MYRIP: variants seen among roughly 807,000 people sequenced by gnomAD.
MYRIP encodes myosin VIIA and Rab interacting protein.
Under a neutral mutation model 98.0 loss-of-function variants are expected in MYRIP, and 49 were observed. The ratio of observed to expected loss-of-function variants is 0.50; its 90% CI spans 0.40 to 0.63. The LOEUF (loss-of-function observed/expected upper bound fraction) is 0.63. MYRIP is among the 30% of genes least tolerant of loss of function. The pLI, the probability that MYRIP is intolerant of heterozygous loss-of-function variation, is 0.00. For missense variants in MYRIP, 1,004 were observed against 1,058.2 expected (o/e 0.95, Z 0.71); for synonymous variants, 404 against 409.5 (o/e 0.99, Z 0.16).
chr3:39,994,882 A>G (rs1031144908), intron 2 of MYRIP, among the ~76,000 whole-genome samples: 19 of 152,180 alleles, frequency 1.2e-4, no homozygotes, highest in Non-Finnish European at 2.9e-5. Flanking sequence ...CTGTTCACCA[A>G]TATCTGCTGT....
intron 11 of MYRIP, among the ~76,000 whole-genome samples, chr3:40,214,628 A>G (rs1472046509): frequency 6.6e-6 from 1 of 152,164 alleles, no homozygotes; most frequent in Non-Finnish European, 1.5e-5. Flanking sequence ...AACTTCTTGG[A>G]AACTGGATTC....
intron 2 of MYRIP, among the ~76,000 whole-genome samples, chr3:40,020,021 A>G (rs1284809719): frequency 6.6e-6 from 1 of 152,224 alleles, no homozygotes; most frequent in Non-Finnish European, 1.5e-5. Context: ...TTCATGGGAT[A>G]CAAGCACTGG....
chr3:39,982,375 G>A (rs1335094435), intron 2 of MYRIP, among the ~76,000 whole-genome samples: 3 of 152,104 alleles, frequency 2.0e-5, no homozygotes, highest in Non-Finnish European at 4.4e-5. Flanking sequence ...CTATTTATAG[G>A]TTTGATCTTC....
At chr3:39,876,736 T>G (rs539921283) in intron 1 of MYRIP, among the ~76,000 whole-genome samples, 1 of 152,202 alleles carries the variant, frequency 6.6e-6, no homozygotes, top group African/African-American at 2.4e-5. Context: ...GGTTTCCCTT[T>G]GAGGGTAACC....
intron 2 of MYRIP, among the ~76,000 whole-genome samples, chr3:39,953,207 A>G (rs1417181673): frequency 6.6e-6 from 1 of 152,174 alleles, no homozygotes; most frequent in African/African-American, 2.4e-5. Context: ...GTTGGAGATA[A>G]TAAGGTAATG....
intron 2 of MYRIP, among the ~76,000 whole-genome samples, chr3:39,963,841 T>G (rs540555973): frequency 1.3e-5 from 2 of 152,184 alleles, no homozygotes; most frequent in African/African-American, 4.8e-5. Flanking sequence ...TAGTGACATA[T>G]TCATATTATA....
chr3:39,994,762 G>A (rs1036831659), intron 2 of MYRIP, among the ~76,000 whole-genome samples: 8 of 152,322 alleles, frequency 5.3e-5, no homozygotes, highest in South Asian at 2.1e-4. Context: ...CCTGACCCCC[G>A]AGTAGCCTAA....
intron 10 of MYRIP, among the ~76,000 whole-genome samples, chr3:40,196,691 A>G (rs1006716798): frequency 6.6e-6 from 1 of 152,212 alleles, no homozygotes; most frequent in African/African-American, 2.4e-5. Context: ...TTTGGAGACA[A>G]AACTGCATGT....
chr3:39,965,482 T>TA (rs1165685498), intron 2 of MYRIP, among the ~76,000 whole-genome samples: 7 of 152,162 alleles, frequency 4.6e-5, no homozygotes, highest in Non-Finnish European at 1.0e-4. Flanking sequence ...AGAATATATT[T>TA]AAAATCTCAA....
intron 2 of MYRIP, among the ~76,000 whole-genome samples, chr3:39,943,740 C>A (rs1163549123): frequency 6.6e-6 from 1 of 152,124 alleles, no homozygotes; most frequent in Non-Finnish European, 1.5e-5. Flanking sequence ...CCTATTAAAT[C>A]AATTCTCGTT....
In MYRIP at chr3:40,253,230, C is replaced by T. The variant is rs188568557; in HGVS notation, c.2547+1231C>T. On this transcript the variant is annotated intron_variant, in intron 16 of 16. Transcript: ENST00000302541. ...CAGCAAATCTTACCCCGCTTGTTTA[C>T]CAAAAACATCACCTCTAGCATTACC... Among the ~76,000 whole-genome samples, 139 of 152,254 alleles carry T rather than the reference C, an allele frequency of 9.1e-4. 1 individual carries two copies. The highest frequency in any genetic ancestry group is 3.2e-3 in the African/African-American group (134 of 41,560).
intron 3 of MYRIP, among the ~76,000 whole-genome samples, chr3:40,049,527 G>C (rs1280060102): frequency 2.0e-5 from 3 of 151,848 alleles, no homozygotes; most frequent in African/African-American, 7.3e-5. Flanking sequence ...TCCACTGACT[G>C]GTGGTTCTCG....
At chr3:40,211,035 A>G (rs558653818) in intron 11 of MYRIP, among the ~76,000 whole-genome samples, 1 of 152,206 alleles carries the variant, frequency 6.6e-6, no homozygotes, top group Admixed American at 6.5e-5. Flanking sequence ...TAGGTCCTTA[A>G]ATAACCCTTT....
chr3:40,098,740 TTGTGTG>T (rs3063561), intron 3 of MYRIP, among the ~76,000 whole-genome samples: 55 of 135,282 alleles, frequency 4.1e-4, no homozygotes, highest in African/African-American at 9.5e-4. Context: ...GTCTCTCTCA[TTGTGTG>T]TGTGTGTGTG....
intron 2 of MYRIP, among the ~76,000 whole-genome samples, chr3:39,951,426 G>A (rs758765291): frequency 3.3e-5 from 5 of 151,982 alleles, no homozygotes; most frequent in Admixed American, 6.6e-5. Context: ...ATAGAGAAGC[G>A]CTACTTTAAA....
At chr3:39,862,185 T>C (rs926154154) in intron 1 of MYRIP, among the ~76,000 whole-genome samples, 22 of 152,358 alleles carry the variant, frequency 1.4e-4, no homozygotes, top group African/African-American at 5.0e-4. Context: ...GAAGCATATA[T>C]TTAGCATTCT....
chr3:40,203,695 A>C (rs1436283564), intron 10 of MYRIP, among the ~76,000 whole-genome samples: 1 of 126,210 alleles, frequency 7.9e-6, no homozygotes, highest in East Asian at 2.1e-4. Flanking sequence ...ATATATTTAT[A>C]TTTTTATATT....
At chr3:39,912,967 G>A (rs1944059772) in intron 2 of MYRIP, among the ~76,000 whole-genome samples, 1 of 152,174 alleles carries the variant, frequency 6.6e-6, no homozygotes, top group South Asian at 2.1e-4. Context: ...TTGAACCCAG[G>A]AGGCGGAGGT....
intron 1 of MYRIP, among the ~76,000 whole-genome samples, chr3:39,810,979 CACTT>C (rs1197652965): frequency 1.3e-5 from 2 of 152,176 alleles, no homozygotes; most frequent in Non-Finnish European, 2.9e-5. Context: ...ATTTTCTTGA[CACTT>C]ACTCAGGGGA....
Sources: allele counts gnomAD v4.1 joint callset (sites outside exome capture counted in the v4.1 genomes callset), GRCh38; gene constraint gnomAD v4.1.1; transcripts MANE v1.5; gene names NCBI Gene and HGNC (gene_info 2026-07-23, HGNC 2026-07-21).